ERC1: variants seen among roughly 807,000 people sequenced by gnomAD.
The protein encoded by ERC1 is RAB6 interacting protein 2.
A neutral mutation model predicts 132.0 loss-of-function variants in ERC1; 56 were observed. That is an observed-to-expected ratio of 0.42 (90% confidence interval 0.34 to 0.53). ERC1 has a LOEUF of 0.53. ERC1 is among the 20% of genes least tolerant of loss of function. The pLI is 0.03. For missense variants in ERC1, 1,202 were observed against 1,349.9 expected, an observed-to-expected ratio of 0.89 and a Z score of 1.72; for synonymous variants, 478 against 476.1, an observed-to-expected ratio of 1.00 and a Z score of -0.05.
chr12:1,056,560 T>C (rs11833070), intron 2 of ERC1, among the ~76,000 whole-genome samples: 2 of 152,142 alleles, frequency 1.3e-5, no homozygotes, highest in South Asian at 4.1e-4. Context: ...TGTGCCATTC[T>C]GGAAAACTGG....
intron 14 of ERC1, among the ~76,000 whole-genome samples, chr12:1,280,381 G>C (rs973666359): frequency 6.6e-6 from 1 of 152,124 alleles, no homozygotes; most frequent in Non-Finnish European, 1.5e-5. Context: ...CATGTCCCAA[G>C]CCCTATTTGG....
At chr12:1,021,260 C>T (rs937543308) in intron 1 of ERC1, among the ~76,000 whole-genome samples, 1 of 151,748 alleles carries the variant, frequency 6.6e-6, no homozygotes, top group African/African-American at 2.4e-5. Flanking sequence ...ATTTCATATA[C>T]ACCCTGTTGA....
chr12:1,057,585 GTTTT>G (rs59761885), intron 2 of ERC1, among the ~76,000 whole-genome samples: 2 of 47,680 alleles, frequency 4.2e-5, no homozygotes, highest in African/African-American at 1.5e-4. Flanking sequence ...GATGCGCATG[GTTTT>G]TTTTTTTTTT....
chr12:1,101,243 A>G lies in ERC1; in HGVS notation c.1087-3507A>G, dbSNP rs141345906. ...AGTTCCTGGAGTGCATAAATGGGAT[A>G]AATACATAGGTCCCAGAGCCTCTGG... On this transcript the variant is annotated intron_variant, in intron 3 of 18. Transcript: ENST00000360905. Among the ~76,000 whole-genome samples the G allele has an allele frequency of 2.4e-3, 370 of 152,338 alleles. 2 individuals carry two copies. Among genetic ancestry groups the G allele is most frequent in the African/African-American group, 8.3e-3 (344 of 41,572 alleles).
intron 11 of ERC1, 144 bp from the exon 12 acceptor site, chr12:1,189,715 G>C: frequency 1.7e-6 from 1 of 581,354 alleles, no homozygotes; most frequent in Non-Finnish European, 2.9e-6. Context: ...TACTTAAGCA[G>C]ATAAAAACCT....
In ERC1 at chr12:1,278,030, A is replaced by T. The variant is rs530516057; in HGVS notation, c.2620-11822A>T. On this transcript the variant is annotated intron_variant, in intron 14 of 18. Coordinates refer to ENST00000360905, the MANE Select transcript of ERC1 (RefSeq NM_178040.4). ...ATCCCCTTTGTTATGGTGGCTGGTT[A>T]TGAAATCAGTCACTTGACAGACCCT... Among the ~76,000 whole-genome samples, 79 of 152,258 alleles carry T rather than the reference A, an allele frequency of 5.2e-4. 1 individual carries two copies. The highest frequency in any genetic ancestry group is 1.4e-3 in the African/African-American group (59 of 41,570).
At chr12:1,280,097 C>T (rs1366857715) in intron 14 of ERC1, among the ~76,000 whole-genome samples, 3 of 152,152 alleles carry the variant, frequency 2.0e-5, no homozygotes, top group African/African-American at 7.2e-5. Flanking sequence ...AGGGATATAT[C>T]GTTCGCTTGT....
At chr12:1,082,891 A>G (rs996966987) in intron 2 of ERC1, among the ~76,000 whole-genome samples, 1 of 152,180 alleles carries the variant, frequency 6.6e-6, no homozygotes, top group Non-Finnish European at 1.5e-5. Context: ...ATCTTCTATT[A>G]ATTTTGAACA....
chr12:1,164,693 C>T (rs1305795428), intron 8 of ERC1, among the ~76,000 whole-genome samples: 1 of 152,116 alleles, frequency 6.6e-6, no homozygotes, highest in African/African-American at 2.4e-5. Flanking sequence ...TGGGGCTCCA[C>T]CTTCTTCCTG....
chr12:1,018,269 T>C (rs61918691), intron 1 of ERC1, among the ~76,000 whole-genome samples: 23,405 of 152,218 alleles, frequency 0.15, 2,134 homozygotes, highest in Non-Finnish European at 0.2. Flanking sequence ...TGGCATGGTC[T>C]CAGCTCACTG....
intron 7 of ERC1, among the ~76,000 whole-genome samples, chr12:1,122,325 ATC>A (rs372716025): frequency 0.019 from 1 of 54 alleles, no homozygotes; most frequent in Non-Finnish European, 0.1. Flanking sequence ...CTCTATCTCT[ATC>A]TCTATCTCTA....
chr12:1,027,606 A>G (rs1464076686), intron 1 of ERC1, 142 bp from the exon 2 acceptor site: 1 of 358,444 alleles, frequency 2.8e-6, no homozygotes, highest in Middle Eastern at 7.7e-4. Flanking sequence ...CTATGAGTAC[A>G]TTATGCTGTA....
intron 2 of ERC1, among the ~76,000 whole-genome samples, chr12:1,047,313 A>G (rs1311659048): frequency 6.6e-6 from 1 of 152,180 alleles, no homozygotes; most frequent in Non-Finnish European, 1.5e-5. Context: ...AAAATAAAAC[A>G]TTTATTGACA....
chr12:1,350,850 G>A (rs953762907), intron 15 of ERC1, among the ~76,000 whole-genome samples: 1 of 152,198 alleles, frequency 6.6e-6, no homozygotes, highest in African/African-American at 2.4e-5. Flanking sequence ...TCACAAAACA[G>A]CAGAGAAGGT....
intron 14 of ERC1, among the ~76,000 whole-genome samples, chr12:1,265,122 G>A (rs2154327192): frequency 6.6e-6 from 1 of 152,304 alleles, no homozygotes; most frequent in Non-Finnish European, 1.5e-5. Flanking sequence ...GGTTAGTGGA[G>A]AGCTTCAGAG....
intron 3 of ERC1, among the ~76,000 whole-genome samples, chr12:1,093,476 A>C (rs988028868): frequency 3.3e-5 from 5 of 152,142 alleles, no homozygotes; most frequent in Admixed American, 3.3e-4. Flanking sequence ...AGCAGAGGAT[A>C]CCTAAGTTGG....
At chr12:1,057,150 G>GT (rs909817325) in intron 2 of ERC1, among the ~76,000 whole-genome samples, 63 of 151,840 alleles carry the variant, frequency 4.1e-4, no homozygotes, top group African/African-American at 4.6e-4. Context: ...TGTTTGTTTT[G>GT]TTTTTTTTGA....
Position 1,028,334 on chromosome 12 carries a change from G to C in ERC1, c.431G>C (p.Arg144Pro), listed in dbSNP as rs906126547. 6 of 1,614,142 alleles carry C rather than the reference G, an allele frequency of 3.7e-6. No homozygotes were observed. In the Admixed American group the frequency reaches 6.7e-5, roughly 18 times the overall value. ...SMASTVPHSL[R>P]QARDNTIMDL... ...GCATCCACTGTACCTCACTCCCTTC[G>C]TCAGGCGAGAGATAACACAATCATG... The change falls in exon 2 of 19, where the codon CGT (arginine) becomes CCT (proline). Residue 144 changes from arginine (R) to proline (P), a missense_variant. Arg to Pro is a moderately radical substitution (Grantham distance 103). Transcript: ENST00000360905.
At chr12:1,462,153 G>A (rs11612745) in intron 18 of ERC1, among the ~76,000 whole-genome samples, 2,380 of 152,258 alleles carry the variant, frequency 0.016, 27 homozygotes, top group Non-Finnish European at 0.027. Flanking sequence ...TAGTACTACA[G>A]TATCACTAAA....
Sources: gnomAD v4.1 joint callset for allele counts (sites outside exome capture counted in the v4.1 genomes callset) on GRCh38, gnomAD v4.1.1 for gene constraint, MANE v1.5 for transcripts, NCBI Gene and HGNC (gene_info 2026-07-23, HGNC 2026-07-21) for gene names.